The following NRG3 variants were observed in gnomAD, a reference collection of about 807,000 sequenced individuals.
The protein encoded by NRG3 is neuregulin 3.
Under a neutral mutation model 66.9 loss-of-function variants are expected in NRG3, and 31 were observed. The ratio of observed to expected loss-of-function variants is 0.46; its 90% CI spans 0.35 to 0.63. The LOEUF (loss-of-function observed/expected upper bound fraction) is 0.63, where lower values mean the gene tolerates loss of function less well. Ranked by LOEUF, NRG3 falls within the 20% of genes least tolerant of loss-of-function variation. NRG3 has a pLI of 0.00. For synonymous variants in NRG3, 393 were observed against 359.4 expected, an observed-to-expected ratio of 1.09 and a Z score of -1.06; for missense variants, 910 against 878.9, an observed-to-expected ratio of 1.04 and a Z score of -0.45.
intron 2 of NRG3, among the ~76,000 whole-genome samples, chr10:82,614,330 G>A (rs1287548613): frequency 6.6e-6 from 1 of 152,182 alleles, no homozygotes; most frequent in Non-Finnish European, 1.5e-5. Flanking sequence ...GTTTGACATG[G>A]TTATGCTCTG....
chr10:82,920,339 G>A (rs1199437553), intron 4 of NRG3, among the ~76,000 whole-genome samples: 1 of 152,056 alleles, frequency 6.6e-6, no homozygotes, highest in Non-Finnish European at 1.5e-5. Context: ...TGAAGTGAGA[G>A]TTTAGAGATG....
chr10:82,642,062 T>G (rs566217929), intron 2 of NRG3, among the ~76,000 whole-genome samples: 2 of 152,140 alleles, frequency 1.3e-5, no homozygotes, highest in South Asian at 2.1e-4. Context: ...TATGTCCACG[T>G]GTGCATATTT....
intron 6 of NRG3, among the ~76,000 whole-genome samples, chr10:82,970,192 G>A (rs1446310464): frequency 6.6e-6 from 1 of 152,194 alleles, no homozygotes; most frequent in African/African-American, 2.4e-5. Flanking sequence ...GGATCAAAGA[G>A]TATGTATATC....
rs566943174 is a variant in NRG3 at position 82,768,401 on chromosome 10, T to C, written c.1027+29751T>C. Among the ~76,000 whole-genome samples, 5 of 152,298 alleles carry C rather than the reference T, an allele frequency of 3.3e-5. No individual in the cohort carries two copies. The South Asian group carries it at 1.0e-3, about 32-fold the overall frequency. On this transcript the variant is annotated intron_variant, in intron 3 of 8. Coordinates refer to ENST00000372141, the MANE Select transcript of NRG3 (RefSeq NM_001010848.4). ...GAAACTTTTTATACCCTGATGGTTC[T>C]TTATCAACCTCTTGTTTGTCGTAGT... is the stretch of plus-strand genomic sequence containing the variant.
chr10:81,901,543 C>G (rs1442541775), intron 1 of NRG3, among the ~76,000 whole-genome samples: 1 of 152,044 alleles, frequency 6.6e-6, no homozygotes, highest in Non-Finnish European at 1.5e-5. Context: ...GTGGCATGCT[C>G]CTATAGTCCC....
At chr10:82,050,798 T>TACTCTCTGTCTCTCTAGCCATGCCTCC (rs2063555790) in intron 1 of NRG3, among the ~76,000 whole-genome samples, 1 of 148,992 alleles carries the variant, frequency 6.7e-6, no homozygotes, top group Non-Finnish European at 1.5e-5. Context: ...AGACTCCTCC[T>TACTCTCTGTCTCTCTAGCCATGCCTCC]ACTCTCTGTC....
intron 3 of NRG3, among the ~76,000 whole-genome samples, chr10:82,861,730 T>C (rs1323817437): frequency 6.6e-6 from 1 of 152,318 alleles, no homozygotes; most frequent in Middle Eastern, 3.4e-3. Context: ...CGGAAAGTTC[T>C]TGTTCAAACA....
chr10:82,674,871 G>T (rs145945339), intron 2 of NRG3, among the ~76,000 whole-genome samples: 6 of 151,706 alleles, frequency 4.0e-5, no homozygotes, highest in Non-Finnish European at 7.4e-5. Context: ...ACATGAGGCC[G>T]GCCACACCAT....
intron 2 of NRG3, among the ~76,000 whole-genome samples, chr10:82,625,147 A>T (rs547910669): frequency 6.6e-6 from 1 of 151,976 alleles, no homozygotes; most frequent in East Asian, 1.9e-4. Context: ...CCCATTTTAA[A>T]ATGCCAAAAT....
At chr10:82,110,770 A>G (rs1207541289) in intron 1 of NRG3, among the ~76,000 whole-genome samples, 2 of 152,270 alleles carry the variant, frequency 1.3e-5, no homozygotes, top group East Asian at 3.9e-4. Context: ...TCTACTAGAC[A>G]TCCCAGTGGA....
chr10:82,699,680 CTG>C (rs2055698884), intron 2 of NRG3, among the ~76,000 whole-genome samples: 1 of 152,078 alleles, frequency 6.6e-6, no homozygotes, highest in African/African-American at 2.4e-5. Flanking sequence ...TGCAGAGAGA[CTG>C]TCTCTCTTAT....
intron 2 of NRG3, among the ~76,000 whole-genome samples, chr10:82,409,766 A>C (rs1346221776): frequency 6.6e-6 from 1 of 152,086 alleles, no homozygotes; most frequent in East Asian, 1.9e-4. Context: ...GATCCCTCAC[A>C]CTGTTGCAGT....
intron 2 of NRG3, among the ~76,000 whole-genome samples, chr10:82,667,297 GT>G (rs2052871526): frequency 1.3e-5 from 2 of 152,196 alleles, no homozygotes; most frequent in Admixed American, 1.3e-4. Flanking sequence ...CAGTACCATG[GT>G]TCTGAGTGTA....
chr10:82,058,195 G>A (rs1372951635), intron 1 of NRG3, among the ~76,000 whole-genome samples: 2 of 151,886 alleles, frequency 1.3e-5, no homozygotes, highest in African/African-American at 4.8e-5. Context: ...AGGGCTCTAT[G>A]TATATTAAGG....
intron 1 of NRG3, among the ~76,000 whole-genome samples, chr10:81,878,696 C>CT (rs907217812): frequency 2.2e-4 from 33 of 152,008 alleles, no homozygotes; most frequent in East Asian, 3.9e-4. Context: ...TCCGTCCTTT[C>CT]TTTTTTTTAA....
chr10:82,606,989 C>A (rs979353817), intron 2 of NRG3, among the ~76,000 whole-genome samples: 5 of 152,074 alleles, frequency 3.3e-5, no homozygotes, highest in African/African-American at 1.2e-4. Context: ...AAAACCCATC[C>A]CCAAACCTCT....
chr10:82,660,879 T>C (rs2052302739), intron 2 of NRG3, among the ~76,000 whole-genome samples: 1 of 152,192 alleles, frequency 6.6e-6, no homozygotes, highest in African/African-American at 2.4e-5. Flanking sequence ...TAAGCTATCG[T>C]TGTTTTTTTA....
At chr10:81,951,683 C>T (rs1849369421) in intron 1 of NRG3, among the ~76,000 whole-genome samples, 1 of 152,176 alleles carries the variant, frequency 6.6e-6, no homozygotes, top group Admixed American at 6.6e-5. Flanking sequence ...GGTCAGGAAG[C>T]CCCTTTTGTG....
chr10:81,944,515 A>T (rs1848670117), intron 1 of NRG3, among the ~76,000 whole-genome samples: 1 of 152,186 alleles, frequency 6.6e-6, no homozygotes, highest in South Asian at 2.1e-4. Context: ...CATGGGGAAA[A>T]TGTTGTTTGA....
Sources: gnomAD v4.1 joint callset for allele counts (sites outside exome capture counted in the v4.1 genomes callset) on GRCh38, gnomAD v4.1.1 for gene constraint, MANE v1.5 for transcripts, NCBI Gene and HGNC (gene_info 2026-07-23, HGNC 2026-07-21) for gene names.